Variants in EPHA6 observed in about 807,000 individuals in gnomAD.
The protein encoded by EPHA6 is EPH receptor A6.
Under a neutral mutation model 112.0 loss-of-function variants are expected in EPHA6, and 50 were observed. The ratio of observed to expected loss-of-function variants is 0.45; its 90% CI spans 0.36 to 0.56. EPHA6 has a LOEUF of 0.56. Among genes scored for constraint, EPHA6 ranks in the 20% least tolerant of loss-of-function variants. The pLI, the probability that EPHA6 is intolerant of heterozygous loss-of-function variation, is 0.00. For synonymous variants in EPHA6, 529 were observed against 490.7 expected (o/e 1.08, Z -1.03); for missense variants, 1,280 against 1,417.4 (o/e 0.90, Z 1.56).
chr3:97,001,255 G>C (rs2043652803), intron 3 of EPHA6, among the ~76,000 whole-genome samples: 1 of 151,664 alleles, frequency 6.6e-6, no homozygotes, highest in Non-Finnish European at 1.5e-5. Context: ...AACAGTTCAT[G>C]CATTATTTGA....
At chr3:97,140,669 G>T (rs953990439) in intron 3 of EPHA6, among the ~76,000 whole-genome samples, 1 of 152,062 alleles carries the variant, frequency 6.6e-6, no homozygotes, top group African/African-American at 2.4e-5. Context: ...ACTACAAGAA[G>T]AGCTCAAAGG....
intron 6 of EPHA6, among the ~76,000 whole-genome samples, chr3:97,419,566 A>G (rs1415512655): frequency 6.6e-6 from 1 of 152,084 alleles, no homozygotes; most frequent in Admixed American, 6.6e-5. Context: ...CGGAGGTTGC[A>G]GTGAGGTGAG....
chr3:97,091,764 AT>A (rs1293852549), intron 3 of EPHA6, among the ~76,000 whole-genome samples: 1 of 152,162 alleles, frequency 6.6e-6, no homozygotes, highest in African/African-American at 2.4e-5. Context: ...GAATGTATTT[AT>A]TGTAAAGGCC....
chr3:97,327,543 T>C (rs1216621071), intron 5 of EPHA6, among the ~76,000 whole-genome samples: 2 of 151,996 alleles, frequency 1.3e-5, no homozygotes, highest in Non-Finnish European at 1.5e-5. Context: ...CACCTATGTA[T>C]GTTTGTGTGT....
intron 12 of EPHA6, among the ~76,000 whole-genome samples, chr3:97,607,946 T>C (rs1291679933): frequency 6.6e-6 from 1 of 151,162 alleles, no homozygotes; most frequent in Admixed American, 6.6e-5. Flanking sequence ...CATCCTAATT[T>C]TCATAGTTTC....
chr3:97,327,933 GTA>G (rs1274057981), intron 5 of EPHA6, among the ~76,000 whole-genome samples: 1 of 122,440 alleles, frequency 8.2e-6, no homozygotes, highest in Non-Finnish European at 1.5e-5. Context: ...GCATATATAT[GTA>G]TATGTGTATG....
chr3:97,268,374 T>C (rs1182210060), intron 5 of EPHA6, among the ~76,000 whole-genome samples: 2 of 152,192 alleles, frequency 1.3e-5, no homozygotes, highest in Non-Finnish European at 2.9e-5. Flanking sequence ...CAATGGGTGT[T>C]GAATAAGCTG....
intron 11 of EPHA6, among the ~76,000 whole-genome samples, chr3:97,534,692 G>A (rs2092739454): frequency 6.6e-6 from 1 of 151,988 alleles, no homozygotes; most frequent in Non-Finnish European, 1.5e-5. Flanking sequence ...ACCTAAAAGA[G>A]AGAAACAGAG....
At chr3:97,314,705 A>G (rs1455404699) in intron 5 of EPHA6, among the ~76,000 whole-genome samples, 1 of 151,770 alleles carries the variant, frequency 6.6e-6, no homozygotes, top group Non-Finnish European at 1.5e-5. Context: ...AGTAGAAGAA[A>G]GAAATCAAGT....
intron 2 of EPHA6, among the ~76,000 whole-genome samples, chr3:96,957,615 C>A (rs755572037): frequency 7.2e-5 from 11 of 152,010 alleles, no homozygotes; most frequent in Non-Finnish European, 1.3e-4. Context: ...TAATAGAATC[C>A]TTGAGAGTAC....
intron 3 of EPHA6, among the ~76,000 whole-genome samples, chr3:97,108,872 G>A (rs2047642181): frequency 6.6e-6 from 1 of 152,170 alleles, no homozygotes; most frequent in East Asian, 1.9e-4. Context: ...CAGTGTTGCA[G>A]TCAACATTTA....
At chr3:97,000,328 C>CAT (rs35886437) in intron 3 of EPHA6, among the ~76,000 whole-genome samples, 4 of 142,360 alleles carry the variant, frequency 2.8e-5, no homozygotes, top group Non-Finnish European at 6.1e-5. Flanking sequence ...CATATATAGC[C>CAT]ATATATATGT....
rs2043081796 is a variant in EPHA6, at chr3:96,987,965, A to G, written c.1086A>G (p.Gly362=). 1 of 1,578,070 alleles carries G rather than the reference A, an allele frequency of 6.3e-7. No individual in the cohort carries two copies. The highest frequency in any genetic ancestry group is 8.6e-7 in the Non-Finnish European group (1 of 1,157,402). ...TTGGAAGGTGCATCTGCAGTACAGG[A>G]TATGAAGAAATTGAGGGTTCTTGCC... ...VPLGRCICST[G]YEEIEGSCHA... is the part of the protein sequence containing the mutation. The change falls in exon 3 of 18, where the codon GGA becomes GGG. Residue 362 remains glycine (G), a synonymous_variant. Coordinates refer to ENST00000389672, the MANE Select transcript of EPHA6 (RefSeq NM_001080448.3).
In EPHA6 at chr3:97,663,285, T is replaced by C. The variant is rs2094181827; in HGVS notation, c.2784+25203T>C. 2.6e-5 allele frequency among the ~76,000 whole-genome samples: 4 copies of C among 152,106 alleles called. 1 individual carries two copies. The South Asian group carries it at 8.3e-4, about 31-fold the overall frequency. ...TTATGTGACTTTTGTGTGTTTGAAA[T>C]AGTTTATAATATTTTATTTTTTGTG... On this transcript the variant is annotated intron_variant, in intron 14 of 17. Transcript: ENST00000389672.
chr3:96,929,070 A>G (rs189954114), intron 2 of EPHA6, among the ~76,000 whole-genome samples: 37 of 152,274 alleles, frequency 2.4e-4, no homozygotes, highest in South Asian at 1.7e-3. Flanking sequence ...CTTTTTATCC[A>G]GCTTGAAGAT....
chr3:97,323,746 A>G (rs897077436), intron 5 of EPHA6, among the ~76,000 whole-genome samples: 1 of 152,014 alleles, frequency 6.6e-6, no homozygotes, highest in Non-Finnish European at 1.5e-5. Context: ...TGGAAAGAAA[A>G]TAAAATCTTC....
chr3:97,023,332 G>A (rs984588661), intron 3 of EPHA6, among the ~76,000 whole-genome samples: 2 of 152,078 alleles, frequency 1.3e-5, no homozygotes, highest in African/African-American at 2.4e-5. Context: ...GCCTGCCTTG[G>A]CCTCCCAAAG....
chr3:97,275,725 T>C (rs1337824686), intron 5 of EPHA6, among the ~76,000 whole-genome samples: 4 of 152,046 alleles, frequency 2.6e-5, no homozygotes, highest in Non-Finnish European at 4.4e-5. Context: ...GGATGGGATA[T>C]TGGCATTGAA....
At chr3:97,031,762 A>G (rs1015795332) in intron 3 of EPHA6, among the ~76,000 whole-genome samples, 9 of 152,264 alleles carry the variant, frequency 5.9e-5, no homozygotes, top group African/African-American at 2.2e-4. Context: ...ATCTCACACC[A>G]TTTAGAATGG....
Sources: allele counts gnomAD v4.1 joint callset (sites outside exome capture counted in the v4.1 genomes callset), GRCh38; gene constraint gnomAD v4.1.1; transcripts MANE v1.5; gene names NCBI Gene and HGNC (gene_info 2026-07-23, HGNC 2026-07-21).